Variants in DOP1B observed in about 807,000 individuals in gnomAD.
The protein encoded by DOP1B is protein DOP1B.
A neutral mutation model predicts 233.5 loss-of-function variants in DOP1B; 174 were observed. The ratio of observed to expected loss-of-function variants is 0.75; its 90% confidence interval spans 0.66 to 0.85. The LOEUF (loss-of-function observed/expected upper bound fraction) is 0.85. Ranked by LOEUF, DOP1B falls within the 40% of genes least tolerant of loss-of-function variation. The pLI is 0.00. For synonymous variants in DOP1B, 1,190 were observed against 1,185.6 expected, an observed-to-expected ratio of 1.00 and a Z score of -0.08; for missense variants, 2,652 against 2,846.6, an observed-to-expected ratio of 0.93 and a Z score of 1.56.
At chr21:36,187,202 CTCCCT>C (rs1341686431) in intron 2 of DOP1B, among the ~76,000 whole-genome samples, 5 of 147,180 alleles carry the variant, frequency 3.4e-5, no homozygotes, top group African/African-American at 7.6e-5. Context: ...CTCCCCTCCC[CTCCCT>C]TCCCCTCCTC....
chr21:36,221,039 G>A (rs1271887736), intron 10 of DOP1B, among the ~76,000 whole-genome samples: 2 of 151,994 alleles, frequency 1.3e-5, no homozygotes, highest in African/African-American at 4.8e-5. Flanking sequence ...TTGAATTCCT[G>A]GCCTCAAGCA....
chr21:36,263,964 C>G lies in DOP1B; in HGVS notation c.5487+150C>G, dbSNP rs183852029. On this transcript the variant is annotated intron_variant, in intron 26 of 36. Coordinates refer to ENST00000691173, the MANE Select transcript of DOP1B (RefSeq NM_001320714.2). ...TTCTCAAGTCTTACTTCTGCCATCA[C>G]TGTCTCTAGAGAGTTCGGACAGTCC... 5.9e-6 allele frequency: 5 copies of G among 850,600 alleles called. No homozygotes were observed. In the East Asian group the frequency reaches 1.3e-4, roughly 22 times the overall value. The allele number at this position is 850,600 out of a possible 1,614,324, so 52.7% of individuals were successfully genotyped here.
In DOP1B at chr21:36,211,487, G is replaced by T. The variant is rs568310049; in HGVS notation, c.682-66G>T. 11 of 1,438,654 alleles carry T rather than the reference G, an allele frequency of 7.6e-6. No individual in the cohort carries two copies. In the African/African-American group the frequency reaches 1.1e-4, roughly 15 times the overall value. The allele number at this position is 1,438,654 out of a possible 1,614,324, so 89.1% of individuals were successfully genotyped here. On this transcript the variant is annotated intron_variant, in intron 5 of 36. Coordinates refer to ENST00000691173, the MANE Select transcript of DOP1B (RefSeq NM_001320714.2). ...AGGAGTTTCAAGATTCCCGGGAAAGGTTACTTTCGTTTTTATGACCATAAA... is the reference window on the plus strand; with the variant it reads ...AGGAGTTTCAAGATTCCCGGGAAAGTTTACTTTCGTTTTTATGACCATAAA...
At chr21:36,252,333 C>T (rs1318668076) in intron 22 of DOP1B, among the ~76,000 whole-genome samples, 2 of 151,316 alleles carry the variant, frequency 1.3e-5, no homozygotes, top group African/African-American at 4.9e-5. Flanking sequence ...TGGTATGCGC[C>T]TATAGTCCTA....
At chr21:36,196,727 A>G (rs9305582) in intron 2 of DOP1B, among the ~76,000 whole-genome samples, 90,747 of 151,752 alleles carry the variant, frequency 0.6, 27,184 homozygotes, top group Admixed American at 0.63. Context: ...GATCATTCTG[A>G]GCAATGTAGG....
At chr21:36,259,034 C>T (rs958992856) in intron 23 of DOP1B, among the ~76,000 whole-genome samples, 16 of 146,010 alleles carry the variant, frequency 1.1e-4, no homozygotes, top group Admixed American at 2.1e-4. Context: ...GGCGCAATCT[C>T]GGCTCACTGC....
At chr21:36,193,367 C>T (rs984834322) in intron 2 of DOP1B, among the ~76,000 whole-genome samples, 3 of 152,176 alleles carry the variant, frequency 2.0e-5, no homozygotes, top group East Asian at 3.9e-4. Flanking sequence ...AGGAATACCC[C>T]GGGGGGAATT....
chr21:36,208,773 G>T lies in DOP1B; in HGVS notation c.550G>T (p.Ala184Ser). Residue 184 changes from alanine (A) to serine (S), a missense_variant, in exon 5 of 37, where the codon GCC (alanine) becomes TCC (serine). By Grantham distance (99) the Ala-to-Ser change is moderately conservative. Transcript: ENST00000691173. ...GGTTGGCAAAGAGGTGTTTTACACC[G>T]CCCTCTGGGGGAGCGTCCTGGCCAG... is the stretch of plus-strand genomic sequence containing the variant. ...LVVGKEVFYT[A>S]LWGSVLASPS... The T allele has an allele frequency of 6.2e-7, 1 of 1,613,134 alleles. No individual in the cohort carries two copies. Among genetic ancestry groups the T allele is most frequent in the South Asian group, 1.1e-5 (1 of 90,964 alleles).
At chr21:36,184,660 C>T (rs376467179) in intron 2 of DOP1B, among the ~76,000 whole-genome samples, 3 of 152,222 alleles carry the variant, frequency 2.0e-5, no homozygotes, top group Admixed American at 6.5e-5. Context: ...CTGTGTGCTT[C>T]GCTGCCGGCC....
chr21:36,287,576 A>ATTT (rs1723618597), intron 32 of DOP1B, among the ~76,000 whole-genome samples: 10 of 109,354 alleles, frequency 9.1e-5, no homozygotes, highest in East Asian at 2.7e-4. Context: ...ATCTCCTAAC[A>ATTT]TTCTTTTTTT....
At chr21:36,225,418 A>T in intron 11 of DOP1B, 147 bp from the exon 12 acceptor site, 2 of 803,866 alleles carry the variant, frequency 2.5e-6, no homozygotes, top group East Asian at 2.8e-5. Flanking sequence ...TTTAGTAGAG[A>T]TGGGGTTTCA....
At chr21:36,218,250 G>A (rs1014658224) in intron 9 of DOP1B, among the ~76,000 whole-genome samples, 1 of 152,172 alleles carries the variant, frequency 6.6e-6, no homozygotes, top group African/African-American at 2.4e-5. Flanking sequence ...AGGAAGCCAA[G>A]GCCAGGTGCG....
At chr21:36,161,859 T>C (rs2065872341) in intron 1 of DOP1B, among the ~76,000 whole-genome samples, 1 of 152,182 alleles carries the variant, frequency 6.6e-6, no homozygotes, top group South Asian at 2.1e-4. Context: ...AATCATACAA[T>C]GTCTGGTCTT....
chr21:36,192,242 C>A (rs982360819), intron 2 of DOP1B, among the ~76,000 whole-genome samples: 1 of 151,910 alleles, frequency 6.6e-6, no homozygotes, highest in Admixed American at 6.6e-5. Context: ...GCCTGTAGTT[C>A]CAGCTACTCG....
intron 32 of DOP1B, among the ~76,000 whole-genome samples, chr21:36,286,075 G>A (rs926760874): frequency 1.6e-4 from 25 of 152,010 alleles, no homozygotes; most frequent in Admixed American, 1.4e-3. Context: ...ACCGTTTGGG[G>A]TCCTTTTCCC....
intron 2 of DOP1B, among the ~76,000 whole-genome samples, chr21:36,168,504 A>G (rs921574097): frequency 7.3e-5 from 11 of 151,586 alleles, no homozygotes; most frequent in African/African-American, 2.7e-4. Flanking sequence ...GAGTGTTCCA[A>G]TTTCCTAACA....
intron 26 of DOP1B, among the ~76,000 whole-genome samples, chr21:36,267,923 G>A (rs1333143352): frequency 2.6e-5 from 4 of 152,102 alleles, no homozygotes; most frequent in African/African-American, 9.7e-5. Flanking sequence ...AGGGCAAAAA[G>A]CAGAACTAAT....
chr21:36,277,123 G>C (rs371957153), intron 28 of DOP1B, 23 bp downstream of exon 28: 6 of 1,604,778 alleles, frequency 3.7e-6, no homozygotes, highest in Non-Finnish European at 5.1e-6. Flanking sequence ...CTGACCTGTC[G>C]TCCTTTATGG....
chr21:36,167,400 C>A (rs892657526), intron 2 of DOP1B, among the ~76,000 whole-genome samples: 3 of 152,158 alleles, frequency 2.0e-5, no homozygotes, highest in Non-Finnish European at 4.4e-5. Flanking sequence ...GTCTCGAACT[C>A]CTGACCTCAA....
Sources: allele counts gnomAD v4.1 joint callset (sites outside exome capture counted in the v4.1 genomes callset), GRCh38; gene constraint gnomAD v4.1.1; transcripts MANE v1.5; gene names NCBI Gene and HGNC (gene_info 2026-07-23, HGNC 2026-07-21).